Variants in GRM8 observed in about 807,000 individuals in gnomAD.
The protein encoded by GRM8 is glutamate metabotropic receptor 8.
GRM8 carries 47 observed loss-of-function variants against 87.2 expected under a neutral mutation model. The ratio of observed to expected loss-of-function variants is 0.54; its 90% CI spans 0.43 to 0.69. The LOEUF (loss-of-function observed/expected upper bound fraction) is 0.69. Ranked by LOEUF, GRM8 falls within the 30% of genes least tolerant of loss-of-function variation. The pLI is 0.00. For missense variants in GRM8, 1,019 were observed against 1,139.2 expected (o/e 0.89, Z 1.52); for synonymous variants, 396 against 404.5 (o/e 0.98, Z 0.25).
In GRM8 at chr7:126,438,935, G is replaced by T; in HGVS notation, c.*184C>A. On this transcript the variant is annotated 3_prime_UTR_variant, in exon 11 of 11. Transcript: ENST00000339582. ...ACTCATTGGTTTTATTGTATAAAAC[G>T]GGTTTCTTCACTCCCCGTTTATTGA... The T allele has an allele frequency of 1.9e-6, 1 of 534,422 alleles. No individual in the cohort carries two copies. The highest frequency in any genetic ancestry group is 2.9e-5 in the East Asian group (1 of 34,254). 33.1% of individuals were successfully genotyped at this position (534,422 alleles called of 1,614,324 possible). A position where few individuals can be genotyped will look rare whatever the true frequency, so the allele number is the denominator to read the frequency against.
chr7:126,821,153 T>C (rs1794262593), intron 6 of GRM8, among the ~76,000 whole-genome samples: 1 of 152,214 alleles, frequency 6.6e-6, no homozygotes, highest in Non-Finnish European at 1.5e-5. Context: ...TACTGATCCC[T>C]TAAACTTCCC....
intron 7 of GRM8, among the ~76,000 whole-genome samples, chr7:126,748,082 TATG>T (rs1461345615): frequency 1.3e-5 from 2 of 152,012 alleles, no homozygotes; most frequent in African/African-American, 4.8e-5. Context: ...TATTTCTGTC[TATG>T]ATAAGAAAAA....
intron 2 of GRM8, among the ~76,000 whole-genome samples, chr7:127,214,705 G>A (rs535393403): frequency 1.3e-5 from 2 of 152,278 alleles, no homozygotes; most frequent in Admixed American, 6.5e-5. Flanking sequence ...CTGCCCCCAT[G>A]ATCCAATTAC....
At chr7:126,831,495 A>G (rs954202738) in intron 6 of GRM8, among the ~76,000 whole-genome samples, 1 of 152,108 alleles carries the variant, frequency 6.6e-6, no homozygotes, top group South Asian at 2.1e-4. Context: ...GGCGTAGGAC[A>G]CTCTGAGCCA....
intron 7 of GRM8, among the ~76,000 whole-genome samples, chr7:126,742,641 G>A (rs1261003690): frequency 6.6e-6 from 1 of 151,590 alleles, no homozygotes; most frequent in Admixed American, 6.6e-5. Flanking sequence ...GAATATAACC[G>A]ACAAACCAAG....
chr7:126,828,438 T>G (rs918821647), intron 6 of GRM8, among the ~76,000 whole-genome samples: 3 of 152,356 alleles, frequency 2.0e-5, no homozygotes, highest in Middle Eastern at 3.4e-3. Flanking sequence ...GGTTTAGTCT[T>G]CGGAGGGTGT....
chr7:126,496,999 C>G (rs55766716), intron 9 of GRM8, among the ~76,000 whole-genome samples: 5,930 of 142,592 alleles, frequency 0.042, 305 homozygotes, highest in African/African-American at 0.13. Context: ...TGCTGCTGTG[C>G]AAATAACCAA....
At chr7:126,510,293 CA>C (rs3038818) in intron 9 of GRM8, among the ~76,000 whole-genome samples, 45,046 of 129,868 alleles carry the variant, frequency 0.35, 6,915 homozygotes, top group Middle Eastern at 0.44. Flanking sequence ...TAGGTTTTAG[CA>C]AAAAAAAAAA....
intron 7 of GRM8, among the ~76,000 whole-genome samples, chr7:126,621,610 G>T (rs1468530165): frequency 6.6e-6 from 1 of 151,866 alleles, no homozygotes; most frequent in African/African-American, 2.4e-5. Flanking sequence ...GTAGAGACAG[G>T]GTTTCACCAT....
intron 2 of GRM8, among the ~76,000 whole-genome samples, chr7:127,197,597 CAA>C (rs542427990): frequency 4.2e-5 from 6 of 142,322 alleles, no homozygotes; most frequent in Admixed American, 7.0e-5. Flanking sequence ...ACATGTCTGT[CAA>C]AAAAAAAAAG....
At chr7:126,969,664 T>C (rs1208820024) in intron 3 of GRM8, among the ~76,000 whole-genome samples, 1 of 152,160 alleles carries the variant, frequency 6.6e-6, no homozygotes, top group Non-Finnish European at 1.5e-5. Context: ...TGGCATCAAC[T>C]TCTTCCAAAC....
chr7:127,186,595 T>G (rs2116452208), intron 2 of GRM8, among the ~76,000 whole-genome samples: 1 of 152,326 alleles, frequency 6.6e-6, no homozygotes, highest in East Asian at 1.9e-4. Context: ...TCATTAGCTT[T>G]TCTTGACCTT....
intron 6 of GRM8, among the ~76,000 whole-genome samples, chr7:126,804,649 C>T (rs1411752953): frequency 1.3e-5 from 2 of 152,208 alleles, no homozygotes; most frequent in African/African-American, 4.8e-5. Flanking sequence ...ATTTTATCCT[C>T]ATTAAGGATG....
intron 8 of GRM8, among the ~76,000 whole-genome samples, chr7:126,544,448 AC>A (rs201282061): frequency 0.014 from 2,075 of 152,222 alleles, 36 homozygotes; most frequent in African/African-American, 0.047. Flanking sequence ...AAGTACCCTG[AC>A]CGCATACCTC....
intron 3 of GRM8, among the ~76,000 whole-genome samples, chr7:126,924,769 C>A (rs1172367464): frequency 1.3e-5 from 2 of 152,034 alleles, no homozygotes; most frequent in African/African-American, 2.4e-5. Context: ...AACTTAGGAG[C>A]CTCTCTGAGC....
chr7:127,246,903 C>G (rs553759678), intron 1 of GRM8, among the ~76,000 whole-genome samples: 55 of 152,268 alleles, frequency 3.6e-4, no homozygotes, highest in Non-Finnish European at 7.1e-4. Context: ...GAATATGGCC[C>G]CAACCCCTGA....
chr7:126,754,051 GTT>G (rs893833069), intron 7 of GRM8, among the ~76,000 whole-genome samples: 1 of 151,572 alleles, frequency 6.6e-6, no homozygotes, highest in Non-Finnish European at 1.5e-5. Flanking sequence ...GCATTTAACA[GTT>G]TTTTTTCCTA....
At chr7:126,808,915 C>A (rs1027410041) in intron 6 of GRM8, among the ~76,000 whole-genome samples, 1 of 152,244 alleles carries the variant, frequency 6.6e-6, no homozygotes, top group African/African-American at 2.4e-5. Context: ...GAAGCTGTAA[C>A]AAATTACCAC....
chr7:126,946,466 G>A (rs1312428596), intron 3 of GRM8, among the ~76,000 whole-genome samples: 2 of 152,196 alleles, frequency 1.3e-5, no homozygotes, highest in African/African-American at 2.4e-5. Flanking sequence ...GTGTGCCACT[G>A]TACTTCAGCC....
Sources: gnomAD v4.1 joint callset for allele counts (sites outside exome capture counted in the v4.1 genomes callset) on GRCh38, gnomAD v4.1.1 for gene constraint, MANE v1.5 for transcripts, NCBI Gene and HGNC (gene_info 2026-07-23, HGNC 2026-07-21) for gene names.